The following OPCML variants were observed in gnomAD, a reference collection of about 807,000 sequenced individuals.
The protein encoded by OPCML is opioid binding protein/cell adhesion molecule like.
OPCML carries 13 observed loss-of-function variants against 37.8 expected under a neutral mutation model. The ratio of observed to expected loss-of-function variants is 0.34; its 90% CI spans 0.22 to 0.55. The LOEUF (loss-of-function observed/expected upper bound fraction) is 0.55, where lower values mean the gene tolerates loss of function less well. Ranked by LOEUF, OPCML falls within the 20% of genes least tolerant of loss-of-function variation. The pLI, the probability that OPCML is intolerant of heterozygous loss-of-function variation, is 0.91. For missense variants in OPCML, 341 were observed against 435.6 expected, an observed-to-expected ratio of 0.78 and a Z score of 1.93; for synonymous variants, 176 against 168.8, an observed-to-expected ratio of 1.04 and a Z score of -0.33.
intron 2 of OPCML, among the ~76,000 whole-genome samples, chr11:132,758,714 G>T (rs935066643): frequency 3.3e-5 from 5 of 152,152 alleles, no homozygotes; most frequent in African/African-American, 1.2e-4. Flanking sequence ...AAACAATGGT[G>T]TTTTCTAAAT....
At chr11:132,706,667 C>T (rs1210803113) in intron 2 of OPCML, among the ~76,000 whole-genome samples, 2 of 152,248 alleles carry the variant, frequency 1.3e-5, no homozygotes, top group Middle Eastern at 3.4e-3. Context: ...CACCACGCCC[C>T]TAAGAGCCCC....
intron 3 of OPCML, among the ~76,000 whole-genome samples, chr11:132,551,743 C>A (rs887177970): frequency 6.6e-6 from 1 of 152,184 alleles, no homozygotes; most frequent in African/African-American, 2.4e-5. Flanking sequence ...TCTCAACTCA[C>A]TGGCCTTCTC....
chr11:133,039,641 C>G (rs764195488), intron 1 of OPCML, among the ~76,000 whole-genome samples: 10 of 152,158 alleles, frequency 6.6e-5, no homozygotes, highest in Non-Finnish European at 1.3e-4. Context: ...AGGTACGGCT[C>G]ATGAATCCCA....
intron 2 of OPCML, among the ~76,000 whole-genome samples, chr11:132,804,471 C>G (rs933546687): frequency 6.6e-6 from 1 of 152,122 alleles, no homozygotes; most frequent in Non-Finnish European, 1.5e-5. Context: ...AAGCAGTTTA[C>G]CAGGTGGCAG....
At chr11:132,843,647 A>G (rs1459448572) in intron 2 of OPCML, among the ~76,000 whole-genome samples, 1 of 152,118 alleles carries the variant, frequency 6.6e-6, no homozygotes, top group Non-Finnish European at 1.5e-5. Flanking sequence ...TCTGTTGAAG[A>G]ATGAATAACA....
chr11:132,437,429 C>G (rs2136747572), intron 4 of OPCML, 70 bp from the exon 5 acceptor site: 1 of 1,574,652 alleles, frequency 6.4e-7, no homozygotes, highest in Non-Finnish European at 8.6e-7. Flanking sequence ...ATATTCACAT[C>G]TAGAGATTGT....
chr11:132,741,289 A>T (rs1409181403), intron 2 of OPCML, among the ~76,000 whole-genome samples: 1 of 152,318 alleles, frequency 6.6e-6, no homozygotes, highest in South Asian at 2.1e-4. Flanking sequence ...GAAACAAACT[A>T]AACAGGCTCA....
intron 1 of OPCML, among the ~76,000 whole-genome samples, chr11:133,028,468 G>C (rs1215546647): frequency 6.6e-6 from 1 of 151,872 alleles, no homozygotes; most frequent in Non-Finnish European, 1.5e-5. Flanking sequence ...ACATTGCTTA[G>C]AGTGAGGATC....
intron 2 of OPCML, among the ~76,000 whole-genome samples, chr11:132,728,869 C>T (rs181057722): frequency 2.0e-5 from 3 of 152,164 alleles, no homozygotes; most frequent in Admixed American, 1.3e-4. Context: ...TGAGTAGATG[C>T]CCATTCAATT....
At chr11:133,464,627 C>A (rs6590705) in intron 1 of OPCML, among the ~76,000 whole-genome samples, 32,704 of 151,954 alleles carry the variant, frequency 0.22, 9,420 homozygotes, top group African/African-American at 0.66. Context: ...GAAAGGCCCA[C>A]GGCAAGAAAG....
At chr11:132,994,750 A>G (rs552678087) in intron 1 of OPCML, among the ~76,000 whole-genome samples, 1 of 152,278 alleles carries the variant, frequency 6.6e-6, no homozygotes, top group African/African-American at 2.4e-5. Context: ...AGCTAAATGG[A>G]ACACAGCCCC....
Position 132,927,080 on chromosome 11 carries a change from T to C in OPCML, c.146+15846A>G, listed in dbSNP as rs544270452. ...AAACACCACAAAGTAGACCAATATATGCATTATGAGAGTTCCGGGAAAAGA... is the reference window on the plus strand; with the variant it reads ...AAACACCACAAAGTAGACCAATATACGCATTATGAGAGTTCCGGGAAAAGA... On this transcript the variant is annotated intron_variant, in intron 2 of 7. Coordinates refer to ENST00000524381, the MANE Select transcript of OPCML (RefSeq NM_001012393.5). Among the ~76,000 whole-genome samples the C allele has an allele frequency of 4.6e-5, 7 of 152,082 alleles. No homozygotes were observed. The South Asian group carries it at 1.2e-3, about 27-fold the overall frequency.
intron 1 of OPCML, among the ~76,000 whole-genome samples, chr11:133,492,710 G>A (rs1452491665): frequency 8.6e-6 from 1 of 115,880 alleles, no homozygotes; most frequent in African/African-American, 4.4e-5. Context: ...GGCAATTACT[G>A]CCAAAAAAAA....
At chr11:133,291,397 CCA>C (rs1327575055) in intron 1 of OPCML, among the ~76,000 whole-genome samples, 4 of 151,698 alleles carry the variant, frequency 2.6e-5, no homozygotes, top group Non-Finnish European at 5.9e-5. Flanking sequence ...GCACCAGCAT[CCA>C]GCCATGGACT....
chr11:132,497,338 C>A (rs537005521), intron 4 of OPCML, among the ~76,000 whole-genome samples: 1 of 150,098 alleles, frequency 6.7e-6, no homozygotes, highest in Non-Finnish European at 1.5e-5. Context: ...CGTAGCAAAC[C>A]ACCATGGCAC....
chr11:132,858,460 A>G (rs886239465), intron 2 of OPCML, among the ~76,000 whole-genome samples: 22 of 152,158 alleles, frequency 1.4e-4, no homozygotes, highest in African/African-American at 5.3e-4. Context: ...AATGATACTT[A>G]CATTGCTGAA....
chr11:132,612,710 T>C (rs1938731513), intron 3 of OPCML, among the ~76,000 whole-genome samples: 1 of 151,870 alleles, frequency 6.6e-6, no homozygotes, highest in Admixed American at 6.6e-5. Context: ...CCCTATAGGG[T>C]TGAGGTGCTG....
chr11:132,960,187 G>A (rs918369433), intron 1 of OPCML, among the ~76,000 whole-genome samples: 2 of 152,216 alleles, frequency 1.3e-5, no homozygotes, highest in African/African-American at 2.4e-5. Flanking sequence ...AGTGACTTAC[G>A]TGCATAATCT....
Position 132,529,052 on chromosome 11 carries a change from G to T in OPCML, c.505+9C>A, listed in dbSNP as rs1169906278. 2.5e-6 allele frequency: 4 copies of T among 1,592,630 alleles called. No individual in the cohort carries two copies. The highest frequency in any genetic ancestry group is 2.7e-5 in the African/African-American group (2 of 74,506). On this transcript the variant is annotated intron_variant, in intron 4 of 7. Transcript: ENST00000524381. ...ACCTCTGAAAACGTCCTCCAGGTCA[G>T]CACCTTACCCTTGACTGACAGGTGT...
Sources: allele counts gnomAD v4.1 joint callset (sites outside exome capture counted in the v4.1 genomes callset), GRCh38; gene constraint gnomAD v4.1.1; transcripts MANE v1.5; gene names NCBI Gene and HGNC (gene_info 2026-07-23, HGNC 2026-07-21).